The following SCN9A variants were observed in gnomAD, a reference collection of about 807,000 sequenced individuals.
SCN9A encodes the protein sodium voltage-gated channel alpha subunit 9.
SCN9A carries 131 observed loss-of-function variants against 187.0 expected under a neutral mutation model. The ratio of observed to expected loss-of-function variants is 0.70; its 90% CI spans 0.61 to 0.81. The LOEUF is 0.81. Ranked by LOEUF, SCN9A falls within the 30% of genes least tolerant of loss-of-function variation. SCN9A has a pLI of 0.00. For missense variants in SCN9A, 2,252 were observed against 2,396.6 expected, an observed-to-expected ratio of 0.94 and a Z score of 1.26; for synonymous variants, 809 against 808.6, an observed-to-expected ratio of 1.00 and a Z score of -0.01.
At chr2:166,270,400 G>A (rs535777713) in intron 17 of SCN9A, among the ~76,000 whole-genome samples, 3 of 151,848 alleles carry the variant, frequency 2.0e-5, no homozygotes, top group African/African-American at 7.2e-5. Flanking sequence ...TTGAGCATCT[G>A]CAGATTTTAG....
At position 166,228,881 on chromosome 2, in the gene SCN9A, C is replaced by T. The variant is rs199563669; in HGVS notation, c.4016G>A (p.Gly1339Glu). 6.2e-7 allele frequency: 1 copy of T among 1,613,582 alleles called. No individual in the cohort carries two copies. Among genetic ancestry groups the T allele is most frequent in the Non-Finnish European group, 8.5e-7 (1 of 1,179,548 alleles). ...GAACTTGCCAGCAAACAAATTTACT[C>T]CCATGATGCTGAATATCAGCCAGAA... ...LIFWLIFSIM[G>E]VNLFAGKFYE... is the part of the protein sequence containing the mutation. Residue 1339 changes from glycine (G) to glutamate (E), a missense_variant, in exon 22 of 27, where the codon GGA becomes GAA. Gly to Glu is a moderately conservative substitution (Grantham distance 98). Around this residue, in one of 7 missense-constraint regions of SCN9A, gnomAD observed 368 missense variants for 408.6 expected, o/e 0.90. Transcript: ENST00000642356.
intron 8 of SCN9A, 123 bp downstream of exon 8, chr2:166,294,476 T>G: frequency 3.1e-6 from 2 of 648,828 alleles, no homozygotes; most frequent in South Asian, 4.9e-5. Flanking sequence ...ACAGAATGAG[T>G]CAAATAATAC....
intron 2 of SCN9A, among the ~76,000 whole-genome samples, chr2:166,308,190 C>T (rs1298752966): frequency 6.6e-6 from 1 of 152,118 alleles, no homozygotes; most frequent in African/African-American, 2.4e-5. Flanking sequence ...AATACCTAGT[C>T]CTCAAGTACA....
At chr2:166,298,499 T>C (rs1366354208) in intron 7 of SCN9A, among the ~76,000 whole-genome samples, 1 of 152,208 alleles carries the variant, frequency 6.6e-6, no homozygotes, top group Non-Finnish European at 1.5e-5. Flanking sequence ...TTTATTTGAT[T>C]GTGAATTTGG....
intron 24 of SCN9A, among the ~76,000 whole-genome samples, chr2:166,220,632 A>G (rs1284923113): frequency 1.3e-5 from 2 of 152,194 alleles, no homozygotes; most frequent in East Asian, 3.9e-4. Flanking sequence ...ATTCTGTTAT[A>G]GTAGCACAAA....
intron 20 of SCN9A, 84 bp from the exon 21 acceptor site, chr2:166,233,546 G>T: frequency 9.2e-7 from 1 of 1,081,790 alleles, no homozygotes; most frequent in Non-Finnish European, 1.3e-6. Flanking sequence ...CTCACTAAAA[G>T]CAACTCAACA....
intron 1 of SCN9A, among the ~76,000 whole-genome samples, chr2:166,371,568 T>C (rs1478562134): frequency 1.3e-5 from 2 of 152,206 alleles, no homozygotes; most frequent in African/African-American, 4.8e-5. Flanking sequence ...TGTTATCTCA[T>C]ATTCCACAAA....
rs182687583 is a variant in SCN9A, at chr2:166,195,570, G to T, written c.*3102C>A. On this transcript the variant is annotated 3_prime_UTR_variant, in exon 27 of 27. Coordinates refer to ENST00000642356, the MANE Select transcript of SCN9A (RefSeq NM_001365536.1). ...ATTTAGAACTGCTTTATTTACATAT[G>T]CATTTTATTTTCACTCTTTTTAATA... 6.6e-6 allele frequency: 1 copy of T among 152,044 alleles called. No individual in the cohort carries two copies. 9.4% of individuals were successfully genotyped at this position (152,044 alleles called of 1,614,324 possible).
At chr2:166,317,282 T>C (rs72882901) in intron 1 of SCN9A, among the ~76,000 whole-genome samples, 29,330 of 151,786 alleles carry the variant, frequency 0.19, 3,620 homozygotes, top group Non-Finnish European at 0.29. Flanking sequence ...GTCAATGAAA[T>C]CAATCAATAT....
chr2:166,214,242 A>G (rs1694221565), intron 24 of SCN9A, among the ~76,000 whole-genome samples: 1 of 152,054 alleles, frequency 6.6e-6, no homozygotes, highest in Non-Finnish European at 1.5e-5. Flanking sequence ...CTCAAGTACA[A>G]AAAACGATGG....
chr2:166,220,343 T>C (rs1694528952), intron 24 of SCN9A, among the ~76,000 whole-genome samples: 1 of 152,156 alleles, frequency 6.6e-6, no homozygotes, highest in Non-Finnish European at 1.5e-5. Context: ...AATTGGGAGG[T>C]GAGACCTTTA....
At position 166,207,164 on chromosome 2, in the gene SCN9A, AT is replaced by A. The variant is rs1693846440; in HGVS notation, c.4399-2701del. Among the ~76,000 whole-genome samples the A allele has an allele frequency of 5.3e-5, 8 of 152,286 alleles. No homozygotes were observed. The South Asian group carries it at 1.7e-3, about 32-fold the overall frequency. ...TTCACCTTTTTAAGTCACAGCATAA[AT>A]TAGTATAATCCATATAATTAAGAAT... On this transcript the variant is annotated intron_variant, in intron 24 of 26. Coordinates refer to ENST00000642356, the MANE Select transcript of SCN9A (RefSeq NM_001365536.1).
intron 12 of SCN9A, among the ~76,000 whole-genome samples, chr2:166,284,179 T>TTG (rs1171817162): frequency 1.3e-5 from 2 of 152,204 alleles, no homozygotes; most frequent in Admixed American, 1.3e-4. Flanking sequence ...TATGTATCCG[T>TTG]CATAAATTGT....
At chr2:166,297,382 G>C (rs1316381878) in intron 7 of SCN9A, among the ~76,000 whole-genome samples, 2 of 151,904 alleles carry the variant, frequency 1.3e-5, no homozygotes, top group Non-Finnish European at 2.9e-5. Flanking sequence ...ACTGATGAAT[G>C]TATAAACAAA....
chr2:166,306,563 T>G lies in SCN9A; in HGVS notation c.414A>C (p.Thr138=). 2 of 1,584,462 alleles carry G rather than the reference T, an allele frequency of 1.3e-6. No homozygotes were observed. Among genetic ancestry groups the G allele is most frequent in the South Asian group, 1.2e-5 (1 of 86,894 alleles). ...FSMLIMCTIL[T]NCIFMTMNNP... The stretch of plus-strand genomic sequence containing the variant: ...TATTCATGGTCATAAATATGCAGTT[T>G]GTCAGAATAGTGCACATGATGAGCA... Residue 138 remains threonine (T), a synonymous_variant, in exon 4 of 27, where the codon ACA becomes ACC. Transcript: ENST00000642356.
chr2:166,202,517 T>C (rs1253847062), intron 26 of SCN9A, among the ~76,000 whole-genome samples: 1 of 151,810 alleles, frequency 6.6e-6, no homozygotes, highest in Non-Finnish European at 1.5e-5. Context: ...ACTTATATTG[T>C]TTTTGTCTAT....
At chr2:166,304,001 G>C (rs1698668144) in intron 6 of SCN9A, 1 of 1,594,212 alleles carries the variant, frequency 6.3e-7, no homozygotes, top group Non-Finnish European at 8.6e-7. Flanking sequence ...AAAGATCAAA[G>C]TCAGCCCTGG....
intron 12 of SCN9A, among the ~76,000 whole-genome samples, chr2:166,282,510 A>G (rs73021697): frequency 3.3e-3 from 502 of 149,876 alleles, no homozygotes; most frequent in African/African-American, 0.012. Context: ...CTTATTTTTA[A>G]AACTTGGAAA....
intron 20 of SCN9A, among the ~76,000 whole-genome samples, chr2:166,237,729 A>G (rs970944446): frequency 2.0e-5 from 3 of 151,980 alleles, no homozygotes; most frequent in Non-Finnish European, 2.9e-5. Flanking sequence ...CCTCTCTTTA[A>G]TCTGTGTCTC....
Sources: gnomAD v4.1 joint callset for allele counts (sites outside exome capture counted in the v4.1 genomes callset) on GRCh38, gnomAD v4.1.1 for gene constraint, gnomAD v4.1.1 regional missense constraint, MANE v1.5 for transcripts, NCBI Gene and HGNC (gene_info 2026-07-23, HGNC 2026-07-21) for gene names.